PUM3: variants seen among roughly 807,000 people sequenced by gnomAD.
PUM3 encodes the protein pumilio homolog 3.
A neutral mutation model predicts 84.0 loss-of-function variants in PUM3; 91 were observed. The observed-to-expected ratio is 1.08, with a 90% confidence interval of 0.91 to 1.29. The LOEUF (loss-of-function observed/expected upper bound fraction) is 1.29. Among genes scored for constraint, PUM3 ranks in the 50% most tolerant of loss-of-function variants. The pLI, the probability that PUM3 is intolerant of heterozygous loss-of-function variation, is 0.00. For missense variants in PUM3, 1,067 were observed against 767.5 expected (o/e 1.39, Z -4.61); for synonymous variants, 321 against 266.7 (o/e 1.20, Z -1.98).
In PUM3 at chr9:2,812,381, A is replaced by C. The variant is rs192981304; in HGVS notation, c.1270-19T>G. The C allele has an allele frequency of 1.3e-5, 19 of 1,496,724 alleles. No homozygotes were observed. The Admixed American group carries it at 1.7e-4, about 14-fold the overall frequency. The allele number at this position is 1,496,724 out of a possible 1,614,324, so 92.7% of individuals were successfully genotyped here. ...TAATTTCCTATAAAATTATAAACAAAAAAAAAGAATCAATATCTGCATTCT... is the reference window on the plus strand; with the variant it reads ...TAATTTCCTATAAAATTATAAACAACAAAAAAGAATCAATATCTGCATTCT... On this transcript the variant is annotated intron_variant, in intron 13 of 17. Transcript: ENST00000397885.
intron 11 of PUM3, 118 bp downstream of exon 11, chr9:2,824,599 T>C (rs1184743035): frequency 2.1e-5 from 11 of 525,984 alleles, no homozygotes; most frequent in Admixed American, 4.2e-5. Flanking sequence ...TGGAAGATAA[T>C]GCACAACAGG....
intron 17 of PUM3, among the ~76,000 whole-genome samples, chr9:2,807,600 C>CAAAAAAA (rs71329449): frequency 1.3e-4 from 9 of 67,044 alleles, no homozygotes; most frequent in South Asian, 9.6e-4. Context: ...GACTCCATCT[C>CAAAAAAA]AAAAAAAAAA....
intron 13 of PUM3, among the ~76,000 whole-genome samples, chr9:2,818,271 C>G (rs1036354580): frequency 6.6e-6 from 1 of 152,166 alleles, no homozygotes; most frequent in Admixed American, 6.5e-5. Flanking sequence ...GGAAAGAGAT[C>G]GGCAAATCAG....
intron 8 of PUM3, among the ~76,000 whole-genome samples, chr9:2,829,490 T>A: frequency 6.6e-6 from 1 of 152,208 alleles, no homozygotes; most frequent in East Asian, 1.9e-4. Context: ...TGTCCTTCAG[T>A]ATGACTGTAA....
At position 2,807,600 on chromosome 9, in the gene PUM3, C is replaced by CAAAA. The variant is rs71329449; in HGVS notation, c.1814+210_1814+213dup. Among the ~76,000 whole-genome samples, 80 of 67,024 alleles carry CAAAA rather than the reference C, an allele frequency of 1.2e-3. 1 individual carries two copies. Among genetic ancestry groups the CAAAA allele is most frequent in the Non-Finnish European group, 1.3e-3 (53 of 40,304 alleles). 44.0% of individuals were successfully genotyped at this position (67,024 alleles called of 152,430 possible). On this transcript the variant is annotated intron_variant, in intron 17 of 17. Coordinates refer to ENST00000397885, the MANE Select transcript of PUM3 (RefSeq NM_014878.5). ...CCTGGGTGACAGTGAGACTCCATCT[C>CAAAA]AAAAAAAAAAAAAAAAAAAAAAAAG...
intron 5 of PUM3, among the ~76,000 whole-genome samples, chr9:2,832,534 G>C (rs908380539): frequency 2.6e-5 from 4 of 152,282 alleles, no homozygotes; most frequent in African/African-American, 7.2e-5. Flanking sequence ...ATTTTAAGCA[G>C]CCCAGCCAGG....
At chr9:2,829,084 A>G (rs1815903589) in intron 8 of PUM3, among the ~76,000 whole-genome samples, 1 of 152,194 alleles carries the variant, frequency 6.6e-6, no homozygotes, top group African/African-American at 2.4e-5. Flanking sequence ...TCTTGCCACC[A>G]TATGTTTTAT....
In PUM3 at chr9:2,837,034, G is replaced by A. The variant is rs73377872; in HGVS notation, c.304+146C>T. 2.4e-5 allele frequency: 16 copies of A among 678,976 alleles called. No individual in the cohort carries two copies. In the East Asian group the frequency reaches 3.0e-4, roughly 13 times the overall value. The allele number at this position is 678,976 out of a possible 1,614,324, so 42.1% of individuals were successfully genotyped here. ...CCAGAGGAAAATTGTGAGCATGAAA[G>A]ATGCTTTGTTGTTTATTTAAGCCAC... On this transcript the variant is annotated intron_variant, in intron 3 of 17. Transcript: ENST00000397885.
At chr9:2,830,702 A>T (rs1815952354) in intron 7 of PUM3, among the ~76,000 whole-genome samples, 1 of 152,182 alleles carries the variant, frequency 6.6e-6, no homozygotes, top group South Asian at 2.1e-4. Context: ...GTATACCTCC[A>T]TCAAAGTCAT....
intron 3 of PUM3, among the ~76,000 whole-genome samples, chr9:2,836,334 C>A (rs986496383): frequency 4.6e-5 from 7 of 152,164 alleles, no homozygotes; most frequent in Admixed American, 1.3e-4. Flanking sequence ...CAGAAAAATT[C>A]TCAGGATGTT....
At chr9:2,812,176 T>G (rs1169601909) in intron 14 of PUM3, 44 bp downstream of exon 14, 3 of 1,568,144 alleles carry the variant, frequency 1.9e-6, no homozygotes, top group East Asian at 4.5e-5. Flanking sequence ...CTACTCAACA[T>G]TAACAGAGGA....
At position 2,834,755 on chromosome 9, in the gene PUM3, C is replaced by G. The variant is rs935135251; in HGVS notation, c.305-589G>C. 3.3e-5 allele frequency among the ~76,000 whole-genome samples: 5 copies of G among 152,304 alleles called. No homozygotes were observed. In the Middle Eastern group the frequency reaches 0.01, roughly 311 times the overall value. On this transcript the variant is annotated intron_variant, in intron 3 of 17. Transcript: ENST00000397885. ...AGGACTCAAACCTAGAAACAACCCTCTGCTGTCTTAGTCATGACAATGAAC... is the reference window on the plus strand; with the variant it reads ...AGGACTCAAACCTAGAAACAACCCTGTGCTGTCTTAGTCATGACAATGAAC...
Position 2,831,299 on chromosome 9 carries a change from G to T in PUM3, c.562C>A (p.Gln188Lys). 1 of 1,610,760 alleles carries T rather than the reference G, an allele frequency of 6.2e-7. No homozygotes were observed. The highest frequency in any genetic ancestry group is 8.5e-7 in the Non-Finnish European group (1 of 1,178,692). Residue 188 changes from glutamine (Q) to lysine (K), a missense_variant, in exon 6 of 18, where the codon CAG becomes AAG. By Grantham distance (53) the Gln-to-Lys change is moderately conservative (BLOSUM62 1). Coordinates refer to ENST00000397885, the MANE Select transcript of PUM3 (RefSeq NM_014878.5). ...DSTRVIQCYI[Q>K]YGNEEQRKQA... Reference sequence around the variant, plus strand: ...TTTCTCTGTTCTTCATTACCATACTGAATGTAACACTGGATCACACGAGTT... The same window carrying T: ...TTTCTCTGTTCTTCATTACCATACTTAATGTAACACTGGATCACACGAGTT...
At chr9:2,837,731 T>C (rs1816166134) in intron 2 of PUM3, among the ~76,000 whole-genome samples, 1 of 152,146 alleles carries the variant, frequency 6.6e-6, no homozygotes, top group East Asian at 1.9e-4. Context: ...TTATATACCT[T>C]TGTATTCTGC....
rs773061327 is a variant in PUM3, at chr9:2,824,773, G to C, written c.1078C>G (p.His360Asp). The change falls in exon 11 of 18, where the codon CAC becomes GAC. Residue 360 changes from histidine to aspartate, a missense_variant. Physicochemically the swap from His to Asp is moderately conservative, Grantham distance 81. Transcript: ENST00000397885. ...GCCACTCTGGCGCCATCGTGTGTGTGTGCCAGGTAGACCACCGCTTCGCGG... is the reference window on the plus strand; with the variant it reads ...GCCACTCTGGCGCCATCGTGTGTGTCTGCCAGGTAGACCACCGCTTCGCGG... The part of the protein sequence containing the change: ...AIREAVVYLA[H>D]THDGARVAMH... The C allele has an allele frequency of 6.3e-7, 1 of 1,586,866 alleles. No individual in the cohort carries two copies. The highest frequency in any genetic ancestry group is 1.1e-5 in the South Asian group (1 of 87,486).
intron 4 of PUM3, 57 bp downstream of exon 4, chr9:2,833,974 C>G: frequency 6.4e-7 from 1 of 1,564,442 alleles, no homozygotes; most frequent in Non-Finnish European, 8.7e-7. Flanking sequence ...TTACAAGGTA[C>G]ACTGACTTCT....
chr9:2,824,794 C>G lies in PUM3; in HGVS notation c.1057G>C (p.Glu353Gln). The change falls in exon 11 of 18, where the codon GAA (glutamate) becomes CAA (glutamine). Residue 353 changes from glutamate to glutamine, a missense_variant. By Grantham distance (29) the Glu-to-Gln change is conservative (BLOSUM62 2). Transcript: ENST00000397885. ...GTGTGTGCCAGGTAGACCACCGCTT[C>G]GCGGATGGCTTCAATCATTTCCTAG... The part of the protein sequence containing the change: ...LRSEMIEAIR[E>Q]AVVYLAHTHD... 2 of 1,574,000 alleles carry G rather than the reference C, an allele frequency of 1.3e-6. No individual in the cohort carries two copies. Among genetic ancestry groups the G allele is most frequent in the Non-Finnish European group, 1.7e-6 (2 of 1,154,410 alleles).
intron 8 of PUM3, 85 bp downstream of exon 8, chr9:2,829,689 T>C: frequency 1.8e-6 from 2 of 1,139,758 alleles, no homozygotes; most frequent in Non-Finnish European, 2.5e-6. Context: ...TAAAAATACA[T>C]TCAAAAGATA....
chr9:2,810,517 C>A, intron 15 of PUM3, 86 bp from the exon 16 acceptor site: 1 of 912,360 alleles, frequency 1.1e-6, no homozygotes. Flanking sequence ...TTTATGCCAC[C>A]ACATACAGAT....
Sources: allele counts gnomAD v4.1 joint callset (sites outside exome capture counted in the v4.1 genomes callset), GRCh38; gene constraint gnomAD v4.1.1; transcripts MANE v1.5; gene names NCBI Gene and HGNC (gene_info 2026-07-23, HGNC 2026-07-21).